The following FGFR2 variants were observed in gnomAD, a reference collection of about 807,000 sequenced individuals.
The protein encoded by FGFR2 is fibroblast growth factor receptor 2, also known as BEK fibroblast growth factor receptor.
In FGFR2, 19 loss-of-function variants were observed where a neutral mutation model predicts 95.9. That is an observed-to-expected ratio of 0.20 (90% CI 0.14 to 0.29). FGFR2 has a LOEUF of 0.29. Ranked by LOEUF, FGFR2 falls within the 10% of genes least tolerant of loss-of-function variation. FGFR2 has a pLI of 1.00. For missense variants in FGFR2, 707 were observed against 1,056.9 expected, an observed-to-expected ratio of 0.67 and a Z score of 4.59; for synonymous variants, 392 against 393.3, an observed-to-expected ratio of 1.00 and a Z score of 0.04.
At chr10:121,566,014 G>T (rs979216540) in intron 2 of FGFR2, 2 of 474,342 alleles carry the variant, frequency 4.2e-6, no homozygotes, top group Non-Finnish European at 7.8e-6. Flanking sequence ...TTGCCAAAGC[G>T]TGCTTGCACT....
At chr10:121,490,202 T>A (rs1043169084) in intron 13 of FGFR2, among the ~76,000 whole-genome samples, 2 of 146,026 alleles carry the variant, frequency 1.4e-5, no homozygotes, top group Admixed American at 1.4e-4. Context: ...TCACTCTTGT[T>A]TCCCAGGCTA....
intron 5 of FGFR2, among the ~76,000 whole-genome samples, chr10:121,550,864 T>C (rs953966718): frequency 6.6e-6 from 1 of 152,118 alleles, no homozygotes; most frequent in Non-Finnish European, 1.5e-5. Flanking sequence ...TTGTGACAAT[T>C]ATTGATTCTT....
intron 13 of FGFR2, among the ~76,000 whole-genome samples, chr10:121,489,276 G>T (rs1021503261): frequency 2.0e-5 from 3 of 152,058 alleles, no homozygotes; most frequent in African/African-American, 7.2e-5. Context: ...GTTTCACCAT[G>T]TCGGTCAGGC....
chr10:121,492,312 A>G (rs7073162), intron 13 of FGFR2, among the ~76,000 whole-genome samples: 53 of 152,324 alleles, frequency 3.5e-4, no homozygotes, highest in African/African-American at 1.2e-3. Context: ...TAAGGCTCAA[A>G]TACCCTATTA....
At chr10:121,578,567 G>A (rs534306729) in intron 2 of FGFR2, among the ~76,000 whole-genome samples, 11 of 152,356 alleles carry the variant, frequency 7.2e-5, no homozygotes, top group South Asian at 4.1e-4. Context: ...TTTACTGTGC[G>A]TAAAACCACG....
intron 13 of FGFR2, among the ~76,000 whole-genome samples, chr10:121,492,427 C>T (rs894532609): frequency 1.3e-5 from 2 of 152,166 alleles, no homozygotes; most frequent in Non-Finnish European, 2.9e-5. Flanking sequence ...CACACATGTA[C>T]ACACACAACT....
At chr10:121,556,831 CCT>C (rs1217721791) in intron 4 of FGFR2, among the ~76,000 whole-genome samples, 1 of 152,188 alleles carries the variant, frequency 6.6e-6, no homozygotes, top group East Asian at 1.9e-4. Flanking sequence ...CCCACTAAAG[CCT>C]CTGTCTCGAG....
chr10:121,592,197 T>A (rs182381470), intron 2 of FGFR2, among the ~76,000 whole-genome samples: 13 of 152,258 alleles, frequency 8.5e-5, no homozygotes, highest in African/African-American at 2.9e-4. Flanking sequence ...CACGGAAACA[T>A]CCATTTTAAT....
intron 10 of FGFR2, 151 bp downstream of exon 10, chr10:121,503,639 G>A: frequency 1.2e-6 from 1 of 833,960 alleles, no homozygotes; most frequent in Admixed American, 2.5e-5. Flanking sequence ...TCTTTTCCAG[G>A]AGTTGGTTAT....
chr10:121,550,646 A>T (rs774359489), intron 5 of FGFR2, among the ~76,000 whole-genome samples: 15 of 152,180 alleles, frequency 9.9e-5, no homozygotes, highest in Non-Finnish European at 1.9e-4. Flanking sequence ...CTGCTCTGAC[A>T]GGGAAACTAT....
chr10:121,568,798 C>A (rs934545104), intron 2 of FGFR2, among the ~76,000 whole-genome samples: 1 of 152,076 alleles, frequency 6.6e-6, no homozygotes, highest in Non-Finnish European at 1.5e-5. Context: ...CTTGCTGAAA[C>A]TGGGGGTATC....
intron 5 of FGFR2, among the ~76,000 whole-genome samples, chr10:121,550,810 C>G (rs1304824621): frequency 6.6e-6 from 1 of 152,094 alleles, no homozygotes; most frequent in Non-Finnish European, 1.5e-5. Flanking sequence ...ACACGCAAGT[C>G]CGGGGTAATA....
At chr10:121,509,146 T>C (rs1239115799) in intron 9 of FGFR2, among the ~76,000 whole-genome samples, 1 of 152,242 alleles carries the variant, frequency 6.6e-6, no homozygotes, top group East Asian at 1.9e-4. Context: ...CCTAGAAACT[T>C]CAATTCCAGA....
intron 6 of FGFR2, among the ~76,000 whole-genome samples, chr10:121,529,713 A>C (rs1462223535): frequency 2.6e-5 from 4 of 152,168 alleles, no homozygotes; most frequent in Admixed American, 2.6e-4. Context: ...AAAAAGTTGG[A>C]GTTCCATCAA....
intron 4 of FGFR2, among the ~76,000 whole-genome samples, chr10:121,560,615 C>CAAA (rs34753296): frequency 0.035 from 1,806 of 51,796 alleles, 344 homozygotes; most frequent in African/African-American, 0.11. Context: ...ACTCCGTCCC[C>CAAA]AAAAAAAAAA....
chr10:121,561,317 A>G (rs4497341), intron 4 of FGFR2, among the ~76,000 whole-genome samples: 13,432 of 151,226 alleles, frequency 0.089, 1,631 homozygotes, highest in African/African-American at 0.27. Flanking sequence ...CCAGCTACTC[A>G]GGAGGCTGAG....
At position 121,538,520 on chromosome 10, in the gene FGFR2, G is replaced by A. The variant is rs756549178; in HGVS notation, c.748+72C>T. On this transcript the variant is annotated intron_variant, in intron 6 of 17. Coordinates refer to ENST00000358487, the MANE Select transcript of FGFR2 (RefSeq NM_000141.5). ...ACTTATGGGAGAAACAGGACTTAAC[G>A]TTCATGCTTTCAAACGAGTCAAGCA... 1.0e-5 allele frequency: 16 copies of A among 1,601,090 alleles called. No homozygotes were observed. In the East Asian group the frequency reaches 1.8e-4, roughly 18 times the overall value.
chr10:121,567,671 G>A (rs552418584), intron 2 of FGFR2, among the ~76,000 whole-genome samples: 32 of 152,358 alleles, frequency 2.1e-4, no homozygotes, highest in South Asian at 6.2e-4. Context: ...AGTGGCAGAG[G>A]AGGGCTGGTC....
intron 12 of FGFR2, 65 bp downstream of exon 12, chr10:121,498,430 A>G (rs1234549148): frequency 3.6e-6 from 4 of 1,099,998 alleles, no homozygotes; most frequent in African/African-American, 1.5e-5. Flanking sequence ...AAGCCCAGCC[A>G]TTTCTAAAAT....
Sources: gnomAD v4.1 joint callset for allele counts (sites outside exome capture counted in the v4.1 genomes callset) on GRCh38, gnomAD v4.1.1 for gene constraint, MANE v1.5 for transcripts, NCBI Gene and HGNC (gene_info 2026-07-23, HGNC 2026-07-21) for gene names.